SEC61A1: variants seen among roughly 807,000 people sequenced by gnomAD.
SEC61A1 encodes the protein SEC61 translocon subunit alpha 1.
Under a neutral mutation model 55.2 loss-of-function variants are expected in SEC61A1, and 15 were observed. The observed-to-expected ratio is 0.27, with a 90% CI of 0.18 to 0.42. The LOEUF is 0.42. Ranked by LOEUF, SEC61A1 falls within the 10% of genes least tolerant of loss-of-function variation. The pLI, the probability that SEC61A1 is intolerant of heterozygous loss-of-function variation, is 1.00. For synonymous variants in SEC61A1, 247 were observed against 234.0 expected (o/e 1.06, Z -0.51); for missense variants, 284 against 602.6 (o/e 0.47, Z 5.53).
At position 128,067,717 on chromosome 3, in the gene SEC61A1, T is replaced by C; in HGVS notation, c.1167+105T>C. 4.2e-6 allele frequency: 4 copies of C among 949,068 alleles called. No homozygotes were observed. In the South Asian group the frequency reaches 6.5e-5, roughly 15 times the overall value. The allele number at this position is 949,068 out of a possible 1,614,324, so 58.8% of individuals were successfully genotyped here. On this transcript the variant is annotated intron_variant, in intron 10 of 11. Transcript: ENST00000243253. The surrounding 1 kb of genome is among the most constrained non-coding windows in gnomAD (Gnocchi z 4.1). ...AATAATGGTCTGTGACGTGTGCAGATAGATCGTCGTCCTTTAGGGGGCAGT... is the reference window on the plus strand; with the variant it reads ...AATAATGGTCTGTGACGTGTGCAGACAGATCGTCGTCCTTTAGGGGGCAGT...
In SEC61A1 at chr3:128,070,393, T is replaced by TGCCAAGCTGAGCCTG. The variant is rs1942126476; in HGVS notation, c.*740_*754dup. 6.6e-6 allele frequency: 1 copy of TGCCAAGCTGAGCCTG among 152,386 alleles called. No individual in the cohort carries two copies. Among genetic ancestry groups the TGCCAAGCTGAGCCTG allele is most frequent in the South Asian group, 2.1e-4 (1 of 4,820 alleles). 9.4% of individuals were successfully genotyped at this position (152,386 alleles called of 1,614,324 possible). Reference sequence around the variant, plus strand: ...TTTAGTCCACTTGGGTCATCAGCTCTGCCAAGCTGAGCCTGGCCAAGCTAG... The same window carrying TGCCAAGCTGAGCCTG: ...TTTAGTCCACTTGGGTCATCAGCTCTGCCAAGCTGAGCCTGGCCAAGCTGAGCCTGGCCAAGCTAG... On this transcript the variant is annotated 3_prime_UTR_variant, in exon 12 of 12. Transcript: ENST00000243253.
At chr3:128,057,313 A>G (rs1390353071) in intron 5 of SEC61A1, among the ~76,000 whole-genome samples, 1 of 152,146 alleles carries the variant, frequency 6.6e-6, no homozygotes, top group African/African-American at 2.4e-5. Context: ...AGCGTGAGAG[A>G]GCACTTCTGG....
chr3:128,069,714 G>C lies in SEC61A1; in HGVS notation c.*52G>C, dbSNP rs753575555. ...GCTGCTCCAGAAGCGCCTCGGAAGG[G>C]GAGCTCTCATCATGGCGCGTGCTGC... On this transcript the variant is annotated 3_prime_UTR_variant, in exon 12 of 12. Transcript: ENST00000243253. 6.5e-7 allele frequency: 1 copy of C among 1,533,564 alleles called. No homozygotes were observed. The allele number at this position is 1,533,564 out of a possible 1,614,324, so 95.0% of individuals were successfully genotyped here.
Position 128,067,646 on chromosome 3 carries a change from G to A in SEC61A1, c.1167+34G>A, listed in dbSNP as rs200460326. On this transcript the variant is annotated intron_variant, in intron 10 of 11. Transcript: ENST00000243253. The surrounding 1 kb of genome is among the most constrained non-coding windows in gnomAD (Gnocchi z 4.1). ...AAGCAAAACTTTCTGGAAGGGTGAT[G>A]AAAGTGTGACTGGTATAAGGGGTGT... is the stretch of plus-strand genomic sequence containing the variant. 182 of 1,540,514 alleles carry A rather than the reference G, an allele frequency of 1.2e-4. No homozygotes were observed. In the African/African-American group the frequency reaches 2.2e-3, roughly 19 times the overall value.
chr3:128,061,782 TAGG>T (rs1273280069), intron 7 of SEC61A1, among the ~76,000 whole-genome samples: 3 of 152,124 alleles, frequency 2.0e-5, no homozygotes, highest in African/African-American at 7.2e-5. Context: ...GATGGCATTG[TAGG>T]AGTTCAGGTA....
chr3:128,069,156 G>C (rs1942076182), intron 11 of SEC61A1, among the ~76,000 whole-genome samples: 1 of 152,124 alleles, frequency 6.6e-6, no homozygotes, highest in Non-Finnish European at 1.5e-5. Flanking sequence ...TATATCCAAA[G>C]TATCATTTCA....
At chr3:128,055,875 G>A (rs1257154007) in intron 4 of SEC61A1, 124 bp downstream of exon 4, 2 of 778,692 alleles carry the variant, frequency 2.6e-6, no homozygotes, top group Non-Finnish European at 4.3e-6. Flanking sequence ...AGTGAAGAAT[G>A]TTAAAGTGCT....
At chr3:128,068,482 G>A (rs974959625) in intron 11 of SEC61A1, among the ~76,000 whole-genome samples, 6 of 152,220 alleles carry the variant, frequency 3.9e-5, no homozygotes, top group African/African-American at 1.4e-4. Context: ...GGCCTGTGGT[G>A]GCATTAAGGC....
At position 128,071,071 on chromosome 3, in the gene SEC61A1, G is replaced by A. The variant is rs573838409; in HGVS notation, c.*1409G>A. 303 of 152,402 alleles carry A rather than the reference G, an allele frequency of 2.0e-3. 1 individual carries two copies. Among genetic ancestry groups the A allele is most frequent in the Non-Finnish European group, 3.2e-3 (219 of 68,092 alleles). 9.4% of individuals were successfully genotyped at this position (152,402 alleles called of 1,614,324 possible). Reference sequence around the variant, plus strand: ...GACCCCACTCTGACAGTGGGCACACGGCAGCCTGCAAAGCACAGGGCCACC... The same window carrying A: ...GACCCCACTCTGACAGTGGGCACACAGCAGCCTGCAAAGCACAGGGCCACC... On this transcript the variant is annotated 3_prime_UTR_variant, in exon 12 of 12. Coordinates refer to ENST00000243253, the MANE Select transcript of SEC61A1 (RefSeq NM_013336.4).
At chr3:128,054,037 T>C (rs1941732245) in intron 2 of SEC61A1, among the ~76,000 whole-genome samples, 1 of 152,200 alleles carries the variant, frequency 6.6e-6, no homozygotes, top group Admixed American at 6.5e-5. Flanking sequence ...TTAGATGTAG[T>C]TGCTATTGAT....
intron 8 of SEC61A1, 75 bp downstream of exon 8, chr3:128,065,112 C>T (rs1298047172): frequency 6.9e-7 from 1 of 1,452,690 alleles, no homozygotes; most frequent in Admixed American, 1.7e-5. Flanking sequence ...TGCAGTCCCC[C>T]ACTCTGTGGG....
In SEC61A1 at chr3:128,070,952, G is replaced by A. The variant is rs1360043413; in HGVS notation, c.*1290G>A. On this transcript the variant is annotated 3_prime_UTR_variant, in exon 12 of 12. Coordinates refer to ENST00000243253, the MANE Select transcript of SEC61A1 (RefSeq NM_013336.4). ...AAGATCCTGAGGAGCTCGAGGTTTC[G>A]AGCTGGCTTTAGACATTGGTGGGAC... The A allele has an allele frequency of 1.3e-5, 2 of 152,276 alleles. No homozygotes were observed. The highest frequency in any genetic ancestry group is 6.5e-5 in the Admixed American group (1 of 15,276). 9.4% of individuals were successfully genotyped at this position (152,276 alleles called of 1,614,324 possible). A position where few individuals can be genotyped will look rare whatever the true frequency, so the allele number is the denominator to read the frequency against.
intron 4 of SEC61A1, 88 bp from the exon 5 acceptor site, chr3:128,056,621 C>A (rs1325874731): frequency 2.5e-6 from 3 of 1,212,142 alleles, no homozygotes; most frequent in African/African-American, 3.1e-5. Flanking sequence ...ATAAGGGGTA[C>A]CCAGTCAAAT....
At chr3:128,051,885 A>C, upstream of SEC61A1, 2 of 1,536,050 alleles carry the variant, frequency 1.3e-6, no homozygotes, top group African/African-American at 1.4e-5. Context: ...GGGTTTGCTT[A>C]ATGACTCAGA....
intron 5 of SEC61A1, 100 bp downstream of exon 5, chr3:128,056,940 T>TA: frequency 3.8e-5 from 36 of 947,784 alleles, no homozygotes; most frequent in South Asian, 1.2e-4. Context: ...ATTTTTTATT[T>TA]TTTTTTTTTT....
intron 2 of SEC61A1, 93 bp downstream of exon 2, chr3:128,052,995 A>C: frequency 1.1e-6 from 1 of 904,496 alleles, no homozygotes; most frequent in Non-Finnish European, 1.7e-6. Context: ...TCAGCACGGC[A>C]ATGGAAACTC....
intron 1 of SEC61A1, 97 bp from the exon 2 acceptor site, chr3:128,052,738 C>A (rs1265999730): frequency 2.7e-6 from 4 of 1,495,302 alleles, no homozygotes; most frequent in Admixed American, 3.6e-5. Flanking sequence ...CCCCTGGCCC[C>A]TGCTCTCACT....
upstream of SEC61A1, among the ~76,000 whole-genome samples, chr3:128,052,106 G>A (rs2107638890): frequency 6.6e-6 from 1 of 152,292 alleles, no homozygotes; most frequent in Admixed American, 6.5e-5. Flanking sequence ...GGCCACGCGC[G>A]CACTCGACGC....
chr3:128,063,993 A>G (rs1278459775), intron 7 of SEC61A1, among the ~76,000 whole-genome samples: 1 of 152,090 alleles, frequency 6.6e-6, no homozygotes, highest in African/African-American at 2.4e-5. Flanking sequence ...CTCCACCCCT[A>G]GGCCTGCCTC....
Sources: allele counts gnomAD v4.1 joint callset (sites outside exome capture counted in the v4.1 genomes callset), GRCh38; gene constraint gnomAD v4.1.1; non-coding constraint Gnocchi (gnomAD v3.1); transcripts MANE v1.5; gene names NCBI Gene and HGNC (gene_info 2026-07-23, HGNC 2026-07-21).